The following TTBK2 variants were observed in gnomAD, a reference collection of about 807,000 sequenced individuals.
TTBK2 encodes the protein tau-tubulin kinase 2.
Under a neutral mutation model 110.8 loss-of-function variants are expected in TTBK2, and 28 were observed. The observed-to-expected ratio is 0.25, with a 90% CI of 0.19 to 0.35. TTBK2 has a LOEUF of 0.35. TTBK2 is among the 10% of genes least tolerant of loss of function. The pLI, the probability that TTBK2 is intolerant of heterozygous loss-of-function variation, is 1.00. For synonymous variants in TTBK2, 532 were observed against 527.3 expected (o/e 1.01, Z -0.12); for missense variants, 1,369 against 1,500.3 (o/e 0.91, Z 1.45).
intron 1 of TTBK2, among the ~76,000 whole-genome samples, chr15:42,881,595 C>G (rs1895052187): frequency 1.3e-5 from 2 of 151,826 alleles, no homozygotes. Context: ...AATTTTAGGC[C>G]AGGCGCGGTG....
At chr15:42,883,912 G>A (rs903003758) in intron 1 of TTBK2, among the ~76,000 whole-genome samples, 1 of 151,960 alleles carries the variant, frequency 6.6e-6, no homozygotes. Context: ...TATTATGTAG[G>A]TTAAAAGAAA....
At position 42,815,958 on chromosome 15, in the gene TTBK2, A is replaced by ATATAT. The variant is rs1555427627; in HGVS notation, c.603+1073_603+1074insATATA. Among the ~76,000 whole-genome samples the ATATAT allele has an allele frequency of 1.8e-3, 162 of 91,638 alleles. 1 individual carries two copies. The highest frequency in any genetic ancestry group is 7.3e-3 in the African/African-American group (118 of 16,094). The allele number at this position is 91,638 out of a possible 152,430, so 60.1% of individuals were successfully genotyped here. On this transcript the variant is annotated intron_variant, in intron 7 of 14. Transcript: ENST00000267890. ...TATATATATATATATTTAAAAAAAA[A>ATATAT]ATATATATATATATATATATTTGAG... is the stretch of plus-strand genomic sequence containing the variant.
At chr15:42,857,358 T>C (rs781519363) in intron 3 of TTBK2, 3 of 151,566 alleles carry the variant, frequency 2.0e-5, no homozygotes, top group Admixed American at 2.0e-4. Context: ...TCTACAAAAA[T>C]TTTTTTAAAA....
chr15:42,749,072 A>G (rs2061832824), intron 14 of TTBK2, among the ~76,000 whole-genome samples: 1 of 152,176 alleles, frequency 6.6e-6, no homozygotes, highest in Non-Finnish European at 1.5e-5. Context: ...TCAAAATGCA[A>G]CTGGAGACAG....
chr15:42,845,696 A>G (rs1893429408), intron 3 of TTBK2, among the ~76,000 whole-genome samples: 1 of 151,316 alleles, frequency 6.6e-6, no homozygotes, highest in Non-Finnish European at 1.5e-5. Flanking sequence ...AGCTAGGCAC[A>G]TCCTCCCATA....
At chr15:42,771,110 G>T (rs1277956509) in intron 13 of TTBK2, among the ~76,000 whole-genome samples, 1 of 152,030 alleles carries the variant, frequency 6.6e-6, no homozygotes, top group Non-Finnish European at 1.5e-5. Flanking sequence ...GAGTAGCCGG[G>T]ATTATAGGTG....
intron 1 of TTBK2, among the ~76,000 whole-genome samples, chr15:42,902,363 A>G (rs2030098210): frequency 6.6e-6 from 1 of 151,672 alleles, no homozygotes; most frequent in Non-Finnish European, 1.5e-5. Flanking sequence ...TCTACTAAAA[A>G]TACAAAATTA....
intron 4 of TTBK2, among the ~76,000 whole-genome samples, chr15:42,834,195 A>AGGGGGG (rs1187116010): frequency 1.0e-4 from 12 of 119,226 alleles, no homozygotes; most frequent in African/African-American, 4.8e-4. Flanking sequence ...AAAAAAAAAA[A>AGGGGGG]AGGGGGGGGG....
At chr15:42,842,549 A>G (rs1025486020) in intron 3 of TTBK2, among the ~76,000 whole-genome samples, 6 of 151,868 alleles carry the variant, frequency 4.0e-5, no homozygotes, top group Non-Finnish European at 7.4e-5. Context: ...ATGAAACACT[A>G]AAAAAAATTT....
chr15:42,739,473 T>A lies in TTBK2; in HGVS notation c.*6322A>T, dbSNP rs2061737547. The A allele has an allele frequency of 6.6e-6, 1 of 152,160 alleles. No homozygotes were observed. Among genetic ancestry groups the A allele is most frequent in the Non-Finnish European group, 1.5e-5 (1 of 68,032 alleles). The allele number at this position is 152,160 out of a possible 1,614,324, so 9.4% of individuals were successfully genotyped here. A position where few individuals can be genotyped will look rare whatever the true frequency, so the allele number is the denominator to read the frequency against. Reference sequence around the variant, plus strand: ...TTTTTCCCTAAAAGCTGGGAACTTGTAAGTAAATGGCCTAGTGAAATAGAC... The same window carrying A: ...TTTTTCCCTAAAAGCTGGGAACTTGAAAGTAAATGGCCTAGTGAAATAGAC... On this transcript the variant is annotated 3_prime_UTR_variant, in exon 15 of 15. Transcript: ENST00000267890.
At chr15:42,784,568 G>C (rs1890326466) in intron 10 of TTBK2, among the ~76,000 whole-genome samples, 1 of 152,124 alleles carries the variant, frequency 6.6e-6, no homozygotes. Context: ...GTGAGCCACG[G>C]CACCCGGCGT....
intron 1 of TTBK2, among the ~76,000 whole-genome samples, chr15:42,886,755 G>T (rs1336005757): frequency 6.6e-6 from 1 of 152,228 alleles, no homozygotes; most frequent in African/African-American, 2.4e-5. Context: ...CTAAGCCACA[G>T]CGGTCAGGCG....
chr15:42,800,834 C>A, intron 9 of TTBK2: 2 of 548,038 alleles, frequency 3.6e-6, no homozygotes, highest in Non-Finnish European at 6.5e-6. Flanking sequence ...AGGTAGTAAA[C>A]TCCCTCGCGG....
At chr15:42,817,145 T>C (rs1168491077) in intron 6 of TTBK2, 48 bp from the exon 7 acceptor site, 1 of 1,522,020 alleles carries the variant, frequency 6.6e-7, no homozygotes, top group Non-Finnish European at 9.0e-7. Context: ...CAAACAGCAA[T>C]ACATTCAGCA....
intron 3 of TTBK2, among the ~76,000 whole-genome samples, chr15:42,869,517 G>T (rs1894527322): frequency 6.7e-6 from 1 of 150,228 alleles, no homozygotes; most frequent in Non-Finnish European, 1.5e-5. Context: ...GAGAAGTGAA[G>T]ATATGTAGAT....
rs1229685180 is a variant in TTBK2, at chr15:42,819,948, G to A, written c.538-2851C>T. The stretch of plus-strand genomic sequence containing the variant: ...TCCAGACTTATTATCACATTCTGCA[G>A]CCTAGTCCACAGTTGATTGGGCATC... On this transcript the variant is annotated intron_variant, in intron 6 of 14. Transcript: ENST00000267890. Among the ~76,000 whole-genome samples, 3 of 152,118 alleles carry A rather than the reference G, an allele frequency of 2.0e-5. No individual in the cohort carries two copies. In the East Asian group the frequency reaches 5.8e-4, roughly 29 times the overall value.
In TTBK2 at chr15:42,800,373, T is replaced by C. The variant is rs925094888; in HGVS notation, c.823-5572A>G. 1.0e-5 allele frequency: 4 copies of C among 389,426 alleles called. No individual in the cohort carries two copies. The Admixed American group carries it at 1.5e-4, about 15-fold the overall frequency. 24.1% of individuals were successfully genotyped at this position (389,426 alleles called of 1,614,324 possible). A position where few individuals can be genotyped will look rare whatever the true frequency, so the allele number is the denominator to read the frequency against. ...AATCAGTCATCTGACATACACACAA[T>C]GCCTTAGGGAAGCACTCCTCTCATC... On this transcript the variant is annotated intron_variant, in intron 9 of 14. Coordinates refer to ENST00000267890, the MANE Select transcript of TTBK2 (RefSeq NM_173500.4).
chr15:42,912,851 C>A (rs571388413), intron 1 of TTBK2, among the ~76,000 whole-genome samples: 1 of 152,102 alleles, frequency 6.6e-6, no homozygotes, highest in African/African-American at 2.4e-5. Context: ...ATAGGCCGGG[C>A]GCGGTGGCTC....
At position 42,810,730 on chromosome 15, in the gene TTBK2, C is replaced by T. The variant is rs1891674084; in HGVS notation, c.706G>A (p.Gly236Ser). Residue 236 changes from glycine (G) to serine (S), a missense_variant, in exon 9 of 15, where the codon GGC (glycine) becomes AGC (serine). By Grantham distance (56) the Gly-to-Ser change is moderately conservative (BLOSUM62 0). Around this residue, in one of 4 missense-constraint regions of TTBK2, gnomAD observed 138 missense variants for 179.0 expected, o/e 0.77. Transcript: ENST00000267890. ...TGGTCATATCTCTCCTTAATAGAGCCTACTTGCTCCTGGGAAGTAAAGAGA... is the reference window on the plus strand; with the variant it reads ...TGGTCATATCTCTCCTTAATAGAGCTTACTTGCTCCTGGGAAGTAAAGAGA... ...WRKIKDKEQV[G>S]SIKERYDHRL... is the part of the protein sequence containing the mutation. 1 of 1,613,366 alleles carries T rather than the reference C, an allele frequency of 6.2e-7. No individual in the cohort carries two copies. The highest frequency in any genetic ancestry group is 8.5e-7 in the Non-Finnish European group (1 of 1,179,870).
Sources: allele counts gnomAD v4.1 joint callset (sites outside exome capture counted in the v4.1 genomes callset), GRCh38; gene constraint gnomAD v4.1.1; regional missense constraint gnomAD v4.1.1; transcripts MANE v1.5; gene names NCBI Gene and HGNC (gene_info 2026-07-23, HGNC 2026-07-21).